FAM107B: variants seen among roughly 807,000 people sequenced by gnomAD.
FAM107B encodes protein FAM107B.
FAM107B carries 21 observed loss-of-function variants against 31.5 expected under a neutral mutation model. That is an observed-to-expected ratio of 0.67 (90% CI 0.47 to 0.96). FAM107B has a LOEUF of 0.96. Ranked by LOEUF, FAM107B falls within the 40% of genes least tolerant of loss-of-function variation. FAM107B has a pLI of 0.00. For missense variants in FAM107B, 452 were observed against 377.1 expected (o/e 1.20, Z -1.64); for synonymous variants, 157 against 141.5 (o/e 1.11, Z -0.78).
chr10:14,536,101 G>A lies in FAM107B; in HGVS notation c.470-5586C>T, dbSNP rs1038595602. Among the ~76,000 whole-genome samples, 7 of 152,296 alleles carry A rather than the reference G, an allele frequency of 4.6e-5. No individual in the cohort carries two copies. In the East Asian group the frequency reaches 9.6e-4, roughly 21 times the overall value. On this transcript the variant is annotated intron_variant, in intron 2 of 4. Transcript: ENST00000181796. ...AGCAGACTGCTCTGGTTCCATGTCT[G>A]CATATTTCTACATCAAAGAGATGAA...
chr10:14,640,926 T>G (rs1249998276), intron 2 of FAM107B, among the ~76,000 whole-genome samples: 1 of 152,210 alleles, frequency 6.6e-6, no homozygotes, highest in Non-Finnish European at 1.5e-5. Context: ...TTAAAGAAGT[T>G]TTAATCTAGA....
At chr10:14,571,672 T>C (rs1482209228) in intron 2 of FAM107B, 8 of 626,950 alleles carry the variant, frequency 1.3e-5, no homozygotes, top group Non-Finnish European at 1.2e-5. Flanking sequence ...AAGTCTGCTA[T>C]TGTGTTAACA....
intron 2 of FAM107B, among the ~76,000 whole-genome samples, chr10:14,651,037 C>A (rs2131446527): frequency 6.6e-6 from 1 of 152,280 alleles, no homozygotes; most frequent in Non-Finnish European, 1.5e-5. Context: ...CTTTATTGGC[C>A]TCTTTCTACT....
intron 2 of FAM107B, chr10:14,548,438 A>G: frequency 1.0e-6 from 1 of 985,688 alleles, no homozygotes; most frequent in Non-Finnish European, 1.2e-6. Context: ...AGGTAACAGC[A>G]CCTGGCTGCA....
intron 2 of FAM107B, among the ~76,000 whole-genome samples, chr10:14,570,233 GGTGTGTGTGTGT>G (rs57206586): frequency 3.6e-5 from 5 of 140,336 alleles, no homozygotes; most frequent in Admixed American, 6.9e-5. Context: ...AAATGTGGTG[GGTGTGTGTGTGT>G]GTGTGTGTGT....
At chr10:14,767,020 G>GTATA (rs1554757965) in intron 1 of FAM107B, among the ~76,000 whole-genome samples, 14 of 30,402 alleles carry the variant, frequency 4.6e-4, no homozygotes, top group African/African-American at 1.1e-3. Context: ...TCCCTGATGT[G>GTATA]TATGTATATA....
At chr10:14,692,917 G>T (rs1855175637) in intron 1 of FAM107B, among the ~76,000 whole-genome samples, 1 of 152,208 alleles carries the variant, frequency 6.6e-6, no homozygotes, top group African/African-American at 2.4e-5. Flanking sequence ...TAGAGTTATA[G>T]ATCTTATAGC....
chr10:14,537,615 G>A (rs957908537), intron 2 of FAM107B, among the ~76,000 whole-genome samples: 17 of 152,062 alleles, frequency 1.1e-4, no homozygotes, highest in African/African-American at 3.4e-4. Flanking sequence ...CGAGGCGGGC[G>A]GATCATGAGG....
intron 2 of FAM107B, among the ~76,000 whole-genome samples, chr10:14,569,937 G>C (rs1851051759): frequency 6.6e-6 from 1 of 152,164 alleles, no homozygotes; most frequent in Non-Finnish European, 1.5e-5. Context: ...CCGGAAACCA[G>C]AAACTAGGGC....
intron 1 of FAM107B, among the ~76,000 whole-genome samples, chr10:14,732,314 T>C (rs1856193134): frequency 1.3e-5 from 2 of 152,276 alleles, no homozygotes; most frequent in South Asian, 2.1e-4. Flanking sequence ...AACCAGTTGC[T>C]CCCAAAGATC....
At chr10:14,689,419 A>G (rs1855073060) in intron 1 of FAM107B, among the ~76,000 whole-genome samples, 1 of 152,032 alleles carries the variant, frequency 6.6e-6, no homozygotes, top group Admixed American at 6.6e-5. Context: ...TTTTAAAAAA[A>G]GAAGCTCCTA....
At position 14,640,460 on chromosome 10, in the gene FAM107B, G is replaced by A. The variant is rs150989726; in HGVS notation, c.469+27174C>T. ...TTTGGATCCACATCTCTCAAGGAAA[G>A]TTCCCATCTGCTTGAGTTCTCTTGG... On this transcript the variant is annotated intron_variant, in intron 2 of 4. Coordinates refer to ENST00000181796, the MANE Select transcript of FAM107B (RefSeq NM_031453.4). Among the ~76,000 whole-genome samples the A allele has an allele frequency of 6.6e-3, 998 of 152,272 alleles. 4 individuals are homozygous for A. Among genetic ancestry groups the A allele is most frequent in the African/African-American group, 0.023 (969 of 41,544 alleles).
intron 2 of FAM107B, among the ~76,000 whole-genome samples, chr10:14,561,884 A>C (rs1850274245): frequency 6.6e-6 from 1 of 152,176 alleles, no homozygotes; most frequent in Admixed American, 6.5e-5. Context: ...TCCAGGGTTC[A>C]AGGGATTCTC....
At chr10:14,700,382 C>T (rs12359988) in intron 1 of FAM107B, among the ~76,000 whole-genome samples, 49,086 of 151,978 alleles carry the variant, frequency 0.32, 8,161 homozygotes, top group South Asian at 0.46. Flanking sequence ...ATGAGCTATT[C>T]CTCTGGGCAA....
At chr10:14,556,832 C>T (rs1419316746) in intron 2 of FAM107B, among the ~76,000 whole-genome samples, 2 of 152,226 alleles carry the variant, frequency 1.3e-5, no homozygotes, top group African/African-American at 2.4e-5. Context: ...CTCTCAATAG[C>T]TTCTCCAATG....
intron 2 of FAM107B, among the ~76,000 whole-genome samples, chr10:14,565,466 G>C (rs545156981): frequency 1.3e-5 from 2 of 152,128 alleles, no homozygotes; most frequent in Non-Finnish European, 2.9e-5. Context: ...AGACTCCCCG[G>C]GGAAAGAATG....
At chr10:14,596,022 G>A (rs967767189) in intron 2 of FAM107B, among the ~76,000 whole-genome samples, 48 of 152,282 alleles carry the variant, frequency 3.2e-4, no homozygotes, top group African/African-American at 1.1e-3. Flanking sequence ...CGTCCTCACC[G>A]TGGCCTGCCA....
intron 1 of FAM107B, among the ~76,000 whole-genome samples, chr10:14,767,095 G>GAC (rs1437717742): frequency 1.6e-3 from 183 of 113,462 alleles, no homozygotes; most frequent in African/African-American, 1.9e-3. Context: ...GAGAGAGAGA[G>GAC]AGAGACAGAG....
intron 2 of FAM107B, among the ~76,000 whole-genome samples, chr10:14,545,271 T>G (rs1848588602): frequency 6.6e-6 from 1 of 152,070 alleles, no homozygotes; most frequent in Non-Finnish European, 1.5e-5. Flanking sequence ...AACTCTCCTA[T>G]TTGGACGTGT....
Sources: gnomAD v4.1 joint callset for allele counts (sites outside exome capture counted in the v4.1 genomes callset) on GRCh38, gnomAD v4.1.1 for gene constraint, MANE v1.5 for transcripts, NCBI Gene and HGNC (gene_info 2026-07-23, HGNC 2026-07-21) for gene names.